The following CEP72 variants were observed in gnomAD, a reference collection of about 807,000 sequenced individuals.
CEP72 encodes the protein centrosomal protein of 72 kDa.
In CEP72, 78 loss-of-function variants were observed where a neutral mutation model predicts 65.7. The ratio of observed to expected loss-of-function variants is 1.19; its 90% CI spans 0.99 to 1.43. The LOEUF is 1.43. Among genes scored for constraint, CEP72 ranks in the 40% most tolerant of loss-of-function variants. CEP72 has a pLI of 0.00. For synonymous variants in CEP72, 358 were observed against 351.7 expected (o/e 1.02, Z -0.20); for missense variants, 914 against 832.9 (o/e 1.10, Z -1.20).
At chr5:676,316 C>T in the CEP72 span, 1 of 152,322 alleles carries the variant, frequency 6.6e-6, no homozygotes, top group Non-Finnish European at 1.5e-5. Flanking sequence ...CCGGGAGACA[C>T]ATGTGACATC....
chr5:675,164 CTGAGAATG>C, the CEP72 span, among the ~76,000 whole-genome samples: 13 of 107,772 alleles, frequency 1.2e-4, no homozygotes, highest in East Asian at 2.8e-4. Context: ...TGCAGTGTGG[CTGAGAATG>C]CAACATGGAG....
chr5:649,303 C>T (rs201890325), intron 11 of CEP72, among the ~76,000 whole-genome samples: 1 of 79,948 alleles, frequency 1.3e-5, no homozygotes, highest in African/African-American at 6.4e-5. Context: ...GACTGTGAGG[C>T]GTGACTGAGG....
chr5:633,884 A>G lies in CEP72; in HGVS notation c.628A>G (p.Arg210Gly), dbSNP rs747540335. ...LIAECEWDLGRPPGSTSFSQK... is the reference protein window; with the variant it reads ...LIAECEWDLGGPPGSTSFSQK... ...TGCAGAGTGCGAGTGGGACCTCGGCAGGCCTCCCGGGAGCACGAGCTTCAG... is the reference window on the plus strand; with the variant it reads ...TGCAGAGTGCGAGTGGGACCTCGGCGGGCCTCCCGGGAGCACGAGCTTCAG... The change falls in exon 5 of 12, where the codon AGG (arginine) becomes GGG (glycine). Residue 210 changes from arginine to glycine, a missense_variant. Arg to Gly is a moderately radical substitution (Grantham distance 125, BLOSUM62 -2). Transcript: ENST00000264935. 4 of 1,613,414 alleles carry G rather than the reference A, an allele frequency of 2.5e-6. No individual in the cohort carries two copies. Among genetic ancestry groups the G allele is most frequent in the African/African-American group, 2.7e-5 (2 of 74,948 alleles).
At chr5:656,138 G>C (rs1036085820), downstream of CEP72, among the ~76,000 whole-genome samples, 2 of 152,146 alleles carry the variant, frequency 1.3e-5, no homozygotes, top group Non-Finnish European at 2.9e-5. Context: ...GCAGACATAA[G>C]CCCAGTTTTC....
At chr5:673,233 G>A in the CEP72 span, among the ~76,000 whole-genome samples, 1 of 152,284 alleles carries the variant, frequency 6.6e-6, no homozygotes, top group African/African-American at 2.4e-5. Flanking sequence ...TGTCCCCAAC[G>A]CCTCGTGGTG....
chr5:653,630 A>G (rs936111392), downstream of CEP72: 3 of 152,668 alleles, frequency 2.0e-5, no homozygotes, highest in Non-Finnish European at 4.4e-5. Context: ...GCTGTGCACC[A>G]TGATAGGTGA....
intron 11 of CEP72, among the ~76,000 whole-genome samples, chr5:649,873 T>TGGACTGTGAGGTG (rs1738836331): frequency 9.7e-6 from 1 of 103,122 alleles, no homozygotes; most frequent in Non-Finnish European, 2.0e-5. Flanking sequence ...GACTGAGGTG[T>TGGACTGTGAGGTG]GGACTGTGAG....
At chr5:649,198 T>TG (rs1159937854) in intron 11 of CEP72, among the ~76,000 whole-genome samples, 15 of 97,436 alleles carry the variant, frequency 1.5e-4, no homozygotes, top group South Asian at 3.7e-4. Flanking sequence ...CTGTGAGGTG[T>TG]GACTGTGAGG....
chr5:632,043 A>G (rs373187778), intron 4 of CEP72, among the ~76,000 whole-genome samples: 81 of 20,548 alleles, frequency 3.9e-3, no homozygotes, highest in Admixed American at 5.7e-3. Context: ...ACCCAGTCCT[A>G]GTGGGGTTCT....
intron 9 of CEP72, chr5:641,570 G>A (rs992796461): frequency 1.5e-4 from 152 of 985,000 alleles, no homozygotes; most frequent in Non-Finnish European, 1.6e-4. Context: ...TTAAACGCAC[G>A]TGGCCCCCCC....
chr5:663,254 T>A (rs1414079890), intron 1 of CEP72: 1 of 152,448 alleles, frequency 6.6e-6, no homozygotes, highest in Non-Finnish European at 1.5e-5. Flanking sequence ...TGTTTTCAAA[T>A]GTTTCCGCAC....
intron 4 of CEP72, chr5:666,172 T>C: frequency 1.3e-6 from 2 of 1,562,714 alleles, no homozygotes; most frequent in Non-Finnish European, 1.7e-6. Context: ...GGCCCAGGGC[T>C]GCCCTCCCCA....
chr5:623,427 G>T lies in CEP72; in HGVS notation c.404-1044G>T, dbSNP rs1042878488. 2.0e-5 allele frequency among the ~76,000 whole-genome samples: 3 copies of T among 152,238 alleles called. No homozygotes were observed. Among genetic ancestry groups the T allele is most frequent in the Non-Finnish European group, 4.4e-5 (3 of 68,040 alleles). On this transcript the variant is annotated intron_variant, in intron 3 of 11. Coordinates refer to ENST00000264935, the MANE Select transcript of CEP72 (RefSeq NM_018140.4). The surrounding 1 kb of genome is among the most constrained non-coding windows in gnomAD (Gnocchi z 5.3). ...GGCAGATAGCAAGGGCCTGCGTGTG[G>T]GATGGAGGCGGCGTCTGGAGAGACC...
intron 7 of CEP72, among the ~76,000 whole-genome samples, chr5:638,450 C>T (rs780376945): frequency 1.3e-5 from 2 of 151,808 alleles, no homozygotes; most frequent in Non-Finnish European, 2.9e-5. Flanking sequence ...TTGGTACTTG[C>T]CACAACGAGG....
Position 628,716 on chromosome 5 carries a change from C to G in CEP72, c.512+4137C>G, listed in dbSNP as rs58056698. Among the ~76,000 whole-genome samples, 188 of 108,096 alleles carry G rather than the reference C, an allele frequency of 1.7e-3. 2 individuals carry two copies. The highest frequency in any genetic ancestry group is 6.3e-3 in the African/African-American group (115 of 18,284). The allele number at this position is 108,096 out of a possible 152,430, so 70.9% of individuals were successfully genotyped here. A position where few individuals can be genotyped will look rare whatever the true frequency, so the allele number is the denominator to read the frequency against. On this transcript the variant is annotated intron_variant, in intron 4 of 11. Transcript: ENST00000264935. The stretch of plus-strand genomic sequence containing the variant: ...CCGGGGAGTGTTCCCAGGACCCAGC[C>G]CCCTTCTTTGTGCAGCTTCTGGAGA...
chr5:642,127 C>G, intron 9 of CEP72: 2 of 881,294 alleles, frequency 2.3e-6, no homozygotes, highest in Non-Finnish European at 2.6e-6. Flanking sequence ...GTCCCCCGTC[C>G]AGAAGCCTCT....
downstream of CEP72, among the ~76,000 whole-genome samples, chr5:657,827 C>T (rs1373521242): frequency 6.6e-6 from 1 of 152,204 alleles, no homozygotes; most frequent in Non-Finnish European, 1.5e-5. Context: ...TGTTTGTCTT[C>T]TGTTAGAAGA....
At chr5:658,291 G>C (rs553997260), downstream of CEP72, among the ~76,000 whole-genome samples, 1 of 152,302 alleles carries the variant, frequency 6.6e-6, no homozygotes, top group East Asian at 1.9e-4. Context: ...GGCCTAATGC[G>C]AACCACAGGG....
In CEP72 at chr5:638,606, C is replaced by T. The variant is rs567974282; in HGVS notation, c.1207-483C>T. On this transcript the variant is annotated intron_variant, in intron 7 of 11. Coordinates refer to ENST00000264935, the MANE Select transcript of CEP72 (RefSeq NM_018140.4). Reference sequence around the variant, plus strand: ...CTGGGTGGGGCGTGTTTGACGTCCCCGGCAGGTCCTGAGCTGGAAGGAGGC... The same window carrying T: ...CTGGGTGGGGCGTGTTTGACGTCCCTGGCAGGTCCTGAGCTGGAAGGAGGC... Among the ~76,000 whole-genome samples, 24 of 151,548 alleles carry T rather than the reference C, an allele frequency of 1.6e-4. No homozygotes were observed. The South Asian group carries it at 3.0e-3, about 19-fold the overall frequency.
Sources: allele counts gnomAD v4.1 joint callset (sites outside exome capture counted in the v4.1 genomes callset), GRCh38; gene constraint gnomAD v4.1.1; non-coding constraint Gnocchi (gnomAD v3.1); transcripts MANE v1.5; gene names NCBI Gene and HGNC (gene_info 2026-07-23, HGNC 2026-07-21).